ZNF469: variants seen among roughly 807,000 people sequenced by gnomAD.
ZNF469 encodes zinc finger protein 469.
In ZNF469, 1 loss-of-function variant was observed where a neutral mutation model predicts 1.0. The observed-to-expected ratio is 1.00, with a 90% CI of 0.35 to 4.73. The LOEUF is 4.73. Among genes scored for constraint, ZNF469 ranks in the 30% most tolerant of loss-of-function variants. The probability of loss-of-function intolerance (pLI) is 0.16; values close to 1 mark genes in which losing one functional copy is unlikely to be tolerated. For synonymous variants in ZNF469, 2,703 were observed against 2,363.4 expected (o/e 1.14, Z -4.17); for missense variants, 6,100 against 5,356.3 (o/e 1.14, Z -4.33).
At chr16:88,141,454 C>T in the ZNF469 span, among the ~76,000 whole-genome samples, 1 of 143,926 alleles carries the variant, frequency 6.9e-6, no homozygotes, top group Admixed American at 6.9e-5. Flanking sequence ...TCCTGGTCCC[C>T]GGAGCCTGCT....
chr16:88,140,692 G>A, the ZNF469 span, among the ~76,000 whole-genome samples: 2 of 152,204 alleles, frequency 1.3e-5, no homozygotes, highest in African/African-American at 4.8e-5. Context: ...AGCACTTTGG[G>A]AAGCCGAGGT....
the ZNF469 span, among the ~76,000 whole-genome samples, chr16:88,112,204 G>A: frequency 1.3e-5 from 2 of 152,224 alleles, no homozygotes; most frequent in African/African-American, 4.8e-5. Flanking sequence ...TCGGGAGGCT[G>A]AGGTGGGTGG....
the ZNF469 span, among the ~76,000 whole-genome samples, chr16:88,243,990 A>G: frequency 4.8e-5 from 6 of 125,568 alleles, no homozygotes; most frequent in African/African-American, 1.8e-4. Context: ...GGATGAGTCA[A>G]TGAGTGAATG....
chr16:88,367,651 T>C, the ZNF469 span, among the ~76,000 whole-genome samples: 5 of 152,212 alleles, frequency 3.3e-5, no homozygotes, highest in African/African-American at 1.2e-4. Context: ...TTCTGTGTGC[T>C]GGAGCCAAGC....
Position 88,430,560 on chromosome 16 carries a change from G to A in ZNF469, c.3090G>A (p.Leu1030=). 2.0e-6 allele frequency: 3 copies of A among 1,472,748 alleles called. No individual in the cohort carries two copies. Among genetic ancestry groups the A allele is most frequent in the Admixed American group, 2.4e-5 (1 of 42,212 alleles). 91.2% of individuals were successfully genotyped at this position (1,472,748 alleles called of 1,614,324 possible). The change falls in exon 3 of 3, where the codon CTG becomes CTA. Residue 1030 remains leucine, a synonymous_variant. Transcript: ENST00000565624. ...CCCGCAGCTCCCGGCGCCGCCGGCT[G>A]CCCCCCAGGAAGGACCCCAGGAAGA... is the stretch of plus-strand genomic sequence containing the variant. ...EETRSSRRRR[L]PPRKDPRKRK...
the ZNF469 span, among the ~76,000 whole-genome samples, chr16:88,102,751 C>T: frequency 6.6e-6 from 1 of 152,218 alleles, no homozygotes; most frequent in Non-Finnish European, 1.5e-5. Context: ...GAAACCCTCC[C>T]TGGGGTAGGT....
At chr16:88,420,723 G>A (rs953117556) in intron 1 of ZNF469, among the ~76,000 whole-genome samples, 2 of 152,220 alleles carry the variant, frequency 1.3e-5, no homozygotes, top group African/African-American at 4.8e-5. Flanking sequence ...TGGTTTGTGT[G>A]CTCCATGAGG....
chr16:88,301,343 A>G, the ZNF469 span, among the ~76,000 whole-genome samples: 1 of 152,050 alleles, frequency 6.6e-6, no homozygotes, highest in Non-Finnish European at 1.5e-5. Context: ...TTTAGTAGAG[A>G]CGGGGTCTCA....
chr16:88,218,736 C>G, the ZNF469 span, among the ~76,000 whole-genome samples: 1 of 151,922 alleles, frequency 6.6e-6, no homozygotes, highest in African/African-American at 2.4e-5. Flanking sequence ...CTCACCACTC[C>G]TATTCCACAT....
rs1249651303 is a variant in ZNF469 at position 88,433,255 on chromosome 16, G to A, written c.5785G>A (p.Ala1929Thr). The A allele has an allele frequency of 2.6e-6, 4 of 1,550,128 alleles. No homozygotes were observed. The highest frequency in any genetic ancestry group is 1.4e-5 in the African/African-American group (1 of 73,010). ...GGGCTTGCAGGAGCTGACACCTGCTGCCCAGAGCCCTCCACGAGTGAACCC... is the reference window on the plus strand; with the variant it reads ...GGGCTTGCAGGAGCTGACACCTGCTACCCAGAGCCCTCCACGAGTGAACCC... ...ILGLQELTPA[A>T]QSPPRVNPSG... The change falls in exon 3 of 3, where the codon GCC (alanine) becomes ACC (threonine). Residue 1929 changes from alanine to threonine, a missense_variant. By Grantham distance (58) the Ala-to-Thr change is moderately conservative (BLOSUM62 0). Coordinates refer to ENST00000565624, the MANE Select transcript of ZNF469 (RefSeq NM_001367624.2).
At chr16:88,401,675 G>C (rs1904869621) in intron 1 of ZNF469, among the ~76,000 whole-genome samples, 1 of 66,076 alleles carries the variant, frequency 1.5e-5, no homozygotes, top group South Asian at 4.1e-4. Context: ...GGATGGGTGA[G>C]TGCATGGATG....
chr16:88,185,437 T>A, the ZNF469 span, among the ~76,000 whole-genome samples: 3 of 151,964 alleles, frequency 2.0e-5, no homozygotes, highest in Non-Finnish European at 4.4e-5. Flanking sequence ...TAGAAACACA[T>A]GCATACACAC....
the ZNF469 span, among the ~76,000 whole-genome samples, chr16:88,320,143 C>A: frequency 1.3e-5 from 2 of 152,238 alleles, no homozygotes; most frequent in Admixed American, 6.5e-5. Context: ...AGCTGCTTGC[C>A]GTGGCAGAAG....
chr16:88,284,876 C>T, the ZNF469 span, among the ~76,000 whole-genome samples: 28 of 152,384 alleles, frequency 1.8e-4, no homozygotes, highest in African/African-American at 5.8e-4. Context: ...GCCATCTGTC[C>T]TCTACCAGCT....
In ZNF469 at chr16:88,437,380, C is replaced by A. The variant is rs1358731348; in HGVS notation, c.9910C>A (p.Pro3304Thr). Residue 3304 changes from proline (P) to threonine (T), a missense_variant, in exon 3 of 3, where the codon CCC becomes ACC. Physicochemically the swap from Pro to Thr is conservative, Grantham distance 38. Coordinates refer to ENST00000565624, the MANE Select transcript of ZNF469 (RefSeq NM_001367624.2). ...CCTGGCTGACGCCGGCAGCCCGGGC[C>A]CCCCCAGGACGACCCCCAGCCCGTC... ...TALADAGSPGPPRTTPSPSPD... is the reference protein window; with the variant it reads ...TALADAGSPGTPRTTPSPSPD... The A allele has an allele frequency of 3.9e-6, 6 of 1,536,606 alleles. No individual in the cohort carries two copies. The highest frequency in any genetic ancestry group is 4.0e-5 in the Admixed American group (2 of 49,722).
chr16:88,158,823 G>C, the ZNF469 span, among the ~76,000 whole-genome samples: 1 of 151,600 alleles, frequency 6.6e-6, no homozygotes, highest in East Asian at 1.9e-4. Context: ...GGGCAGTGCA[G>C]GGGGGCAGAG....
At position 88,436,860 on chromosome 16, in the gene ZNF469, G is replaced by A. The variant is rs1186536651; in HGVS notation, c.9390G>A (p.Leu3130=). Residue 3130 remains leucine, a synonymous_variant, in exon 3 of 3, where the codon CTG becomes CTA. Coordinates refer to ENST00000565624, the MANE Select transcript of ZNF469 (RefSeq NM_001367624.2). ...CFQRFRSLGE[L]DLHKLAHTPA... is the part of the protein sequence containing the mutation. ...AGCGCTTCCGCAGCCTGGGCGAGCT[G>A]GACCTGCACAAGCTGGCCCACACGC... The A allele has an allele frequency of 6.5e-7, 1 of 1,527,750 alleles. No individual in the cohort carries two copies. The highest frequency in any genetic ancestry group is 1.2e-5 in the South Asian group (1 of 83,182). The allele number at this position is 1,527,750 out of a possible 1,614,324, so 94.6% of individuals were successfully genotyped here.
the ZNF469 span, among the ~76,000 whole-genome samples, chr16:88,367,775 G>A: frequency 3.9e-5 from 6 of 152,102 alleles, no homozygotes; most frequent in Admixed American, 2.6e-4. Flanking sequence ...CTGGGGTCCC[G>A]GGCTCATGGC....
At chr16:88,323,852 G>T in the ZNF469 span, among the ~76,000 whole-genome samples, 3 of 152,230 alleles carry the variant, frequency 2.0e-5, no homozygotes, top group Admixed American at 2.0e-4. Context: ...GGTGTTGTGT[G>T]TCCATCCTAC....
Sources: gnomAD v4.1 joint callset for allele counts (sites outside exome capture counted in the v4.1 genomes callset) on GRCh38, gnomAD v4.1.1 for gene constraint, MANE v1.5 for transcripts, NCBI Gene and HGNC (gene_info 2026-07-23, HGNC 2026-07-21) for gene names.